Variants in ANK3 observed in about 807,000 individuals in gnomAD.
ANK3 encodes the protein ankyrin-3.
In ANK3, 57 loss-of-function variants were observed where a neutral mutation model predicts 370.9. The observed-to-expected ratio is 0.15, with a 90% CI of 0.12 to 0.19. The LOEUF is 0.19. ANK3 is among the 10% of genes least tolerant of loss of function. The pLI is 1.00. For synonymous variants in ANK3, 1,929 were observed against 1,946.3 expected (o/e 0.99, Z 0.23); for missense variants, 4,439 against 5,302.1 (o/e 0.84, Z 5.06).
At chr10:60,682,977 G>A (rs886797949) in intron 1 of ANK3, among the ~76,000 whole-genome samples, 1 of 152,138 alleles carries the variant, frequency 6.6e-6, no homozygotes, top group South Asian at 2.1e-4. Context: ...TTTCAACTGT[G>A]GGGGAAGGAA....
intron 8 of ANK3, among the ~76,000 whole-genome samples, chr10:60,230,210 A>T (rs1275219159): frequency 6.6e-6 from 1 of 152,206 alleles, no homozygotes; most frequent in East Asian, 1.9e-4. Context: ...ACTAAAAATG[A>T]CAAGAGACCA....
At chr10:60,302,904 CTG>C (rs2132811503) in intron 1 of ANK3, among the ~76,000 whole-genome samples, 1 of 151,546 alleles carries the variant, frequency 6.6e-6, no homozygotes. Context: ...GGAAAAAAAT[CTG>C]TGTGTCTAGT....
chr10:60,117,564 C>T (rs2093184351), intron 25 of ANK3, among the ~76,000 whole-genome samples: 1 of 152,140 alleles, frequency 6.6e-6, no homozygotes, highest in South Asian at 2.1e-4. Context: ...CATGACTAAT[C>T]CCAGCACTTT....
Position 60,070,658 on chromosome 10 carries a change from T to G in ANK3, c.10223A>C (p.Asp3408Ala). The change falls in exon 37 of 44, where the codon GAT (aspartate) becomes GCT (alanine). Residue 3408 changes from aspartate (D) to alanine (A), a missense_variant. By Grantham distance (126) the Asp-to-Ala change is moderately radical. Transcript: ENST00000280772. The surrounding 1 kb of genome is among the most constrained non-coding windows in gnomAD (Gnocchi z 5.7). ...ATTAEFSHDT[D>A]ATEIDSLDGY... ...ATCCAGAGAGTCGATCTCTGTGGCA[T>G]CCGTGTCATGAGAAAACTCTGCTGT... 1 of 1,614,180 alleles carries G rather than the reference T, an allele frequency of 6.2e-7. No individual in the cohort carries two copies. Among genetic ancestry groups the G allele is most frequent in the Non-Finnish European group, 8.5e-7 (1 of 1,180,026 alleles).
chr10:60,177,233 T>C (rs912830049), intron 18 of ANK3, among the ~76,000 whole-genome samples: 16 of 152,210 alleles, frequency 1.1e-4, no homozygotes, highest in Non-Finnish European at 1.6e-4. Flanking sequence ...CCGAGGGTTT[T>C]GTCTTTGGTT....
At chr10:60,064,681 A>ACAG (rs2081291448) in intron 38 of ANK3, among the ~76,000 whole-genome samples, 1 of 36,044 alleles carries the variant, frequency 2.8e-5, no homozygotes, top group African/African-American at 1.5e-4. Context: ...AGCAACAACA[A>ACAG]CAACAACAAC....
chr10:60,488,179 T>C (rs1237674256), intron 2 of ANK3, among the ~76,000 whole-genome samples: 5 of 152,180 alleles, frequency 3.3e-5, no homozygotes, highest in Non-Finnish European at 7.3e-5. Context: ...ATGAGATAGA[T>C]GCCATTTGGA....
intron 1 of ANK3, among the ~76,000 whole-genome samples, chr10:60,386,859 T>C (rs1304258387): frequency 3.9e-5 from 6 of 152,174 alleles, no homozygotes; most frequent in Admixed American, 2.6e-4. Flanking sequence ...CTATTACTTT[T>C]ATGTGATTAA....
chr10:60,373,945 A>G (rs181489271), intron 1 of ANK3, among the ~76,000 whole-genome samples: 2 of 152,294 alleles, frequency 1.3e-5, no homozygotes, highest in Admixed American at 1.3e-4. Context: ...AGATGAGTTA[A>G]TGAAGGCTGG....
intron 8 of ANK3, among the ~76,000 whole-genome samples, chr10:60,220,546 C>T (rs1418266492): frequency 6.6e-6 from 1 of 152,200 alleles, no homozygotes; most frequent in Admixed American, 6.5e-5. Context: ...GTCCCCACAA[C>T]CCCTTATCAT....
chr10:60,370,920 G>C (rs2060021192), intron 1 of ANK3, among the ~76,000 whole-genome samples: 1 of 152,242 alleles, frequency 6.6e-6, no homozygotes, highest in South Asian at 2.1e-4. Flanking sequence ...CGGGAGGAAA[G>C]GAGGGGGCAT....
chr10:60,085,079 G>A, intron 31 of ANK3, 78 bp downstream of exon 31: 2 of 1,212,778 alleles, frequency 1.6e-6, no homozygotes, highest in East Asian at 2.5e-5. Context: ...TTTTAGTATT[G>A]AACACAACAA....
chr10:60,052,220 TA>T (rs1389865907), intron 42 of ANK3, among the ~76,000 whole-genome samples: 1 of 151,852 alleles, frequency 6.6e-6, no homozygotes, highest in Non-Finnish European at 1.5e-5. Flanking sequence ...AATAGCTCCT[TA>T]GGAGGCTGAG....
intron 23 of ANK3, among the ~76,000 whole-genome samples, chr10:60,161,679 T>C (rs2095504335): frequency 6.6e-6 from 1 of 151,532 alleles, no homozygotes; most frequent in African/African-American, 2.4e-5. Context: ...ATGTGGGAAC[T>C]GAAAAAAAAA....
intron 1 of ANK3, among the ~76,000 whole-genome samples, chr10:60,339,656 A>G (rs1319004307): frequency 5.3e-5 from 8 of 152,328 alleles, no homozygotes; most frequent in African/African-American, 1.9e-4. Context: ...TGTTTTTGAA[A>G]ATAGTAAATG....
intron 9 of ANK3, 113 bp from the exon 10 acceptor site, chr10:60,208,346 C>G: frequency 1.1e-6 from 1 of 908,624 alleles, no homozygotes; most frequent in Non-Finnish European, 1.7e-6. Context: ...CATGAAAATA[C>G]CTTCTATTTG....
At chr10:60,650,687 G>A (rs759753478) in intron 1 of ANK3, among the ~76,000 whole-genome samples, 1 of 152,136 alleles carries the variant, frequency 6.6e-6, no homozygotes, top group Non-Finnish European at 1.5e-5. Context: ...ATCTAATAAT[G>A]GACCCCAGGA....
rs994053976 is a variant in ANK3, at chr10:60,342,748, C to A, written c.114+46677G>T. Among the ~76,000 whole-genome samples the A allele has an allele frequency of 3.9e-5, 6 of 152,106 alleles. No individual in the cohort carries two copies. The East Asian group carries it at 1.2e-3, about 29-fold the overall frequency. ...TAGGCAGAAATGAGGTCATCTGGAT[C>A]TGGAATCGAGAGATCCTATATGGCA... On this transcript the variant is annotated intron_variant, in intron 1 of 43. Coordinates refer to ENST00000280772, the MANE Select transcript of ANK3 (RefSeq NM_020987.5).
intron 2 of ANK3, among the ~76,000 whole-genome samples, chr10:60,416,323 C>T (rs2063668115): frequency 6.6e-6 from 1 of 152,190 alleles, no homozygotes; most frequent in African/African-American, 2.4e-5. Context: ...TGGAACCACA[C>T]AGATGACTCT....
Sources: gnomAD v4.1 joint callset for allele counts (sites outside exome capture counted in the v4.1 genomes callset) on GRCh38, gnomAD v4.1.1 for gene constraint, Gnocchi (gnomAD v3.1) non-coding constraint, MANE v1.5 for transcripts, NCBI Gene and HGNC (gene_info 2026-07-23, HGNC 2026-07-21) for gene names.